OTUD4: variants seen among roughly 807,000 people sequenced by gnomAD.
OTUD4 encodes the protein OTU deubiquitinase 4.
OTUD4 carries 24 observed loss-of-function variants against 130.4 expected under a neutral mutation model. The observed-to-expected ratio is 0.18, with a 90% confidence interval of 0.13 to 0.26. The LOEUF (loss-of-function observed/expected upper bound fraction) is 0.26. Ranked by LOEUF, OTUD4 falls within the 10% of genes least tolerant of loss-of-function variation. OTUD4 has a pLI of 1.00. For missense variants in OTUD4, 1,031 were observed against 1,329.4 expected (o/e 0.78, Z 3.49); for synonymous variants, 420 against 472.5 (o/e 0.89, Z 1.44).
Position 145,135,071 on chromosome 4 carries a change from T to A in OTUD4, c.*2359A>T. 5.7e-6 allele frequency: 2 copies of A among 350,200 alleles called. No homozygotes were observed. 21.7% of individuals were successfully genotyped at this position (350,200 alleles called of 1,614,324 possible). ...GCAAAATCCCCTGGACTAATACATT[T>A]AAAAACAAACTTAAAGGAAAAAAAG... On this transcript the variant is annotated 3_prime_UTR_variant, in exon 21 of 21. Transcript: ENST00000447906.
chr4:145,176,560 G>A (rs1752436822), intron 1 of OTUD4, among the ~76,000 whole-genome samples: 1 of 151,816 alleles, frequency 6.6e-6, no homozygotes, highest in Non-Finnish European at 1.5e-5. Context: ...TTAGCCAGGT[G>A]TGGTGGTGCG....
intron 13 of OTUD4, chr4:145,149,612 A>ACAAT (rs1750976589): frequency 1.3e-5 from 2 of 152,220 alleles, no homozygotes; most frequent in African/African-American, 4.8e-5. Context: ...CTGACTGTGA[A>ACAAT]CAATCAACTG....
chr4:145,150,988 T>A, intron 11 of OTUD4, 83 bp from the exon 12 acceptor site: 1 of 764,584 alleles, frequency 1.3e-6, no homozygotes, highest in Non-Finnish European at 2.0e-6. Flanking sequence ...TTTCAGCTTA[T>A]ATAAGAATTT....
At chr4:145,173,111 G>A (rs1444908098) in intron 2 of OTUD4, among the ~76,000 whole-genome samples, 1 of 152,184 alleles carries the variant, frequency 6.6e-6, no homozygotes, top group African/African-American at 2.4e-5. Context: ...ATGGACTAAG[G>A]CCAGGCACGG....
chr4:145,159,369 C>T, intron 7 of OTUD4, 134 bp downstream of exon 7: 1 of 1,511,950 alleles, frequency 6.6e-7, no homozygotes, highest in Non-Finnish European at 8.8e-7. Flanking sequence ...GAAACTTCAG[C>T]AGACTGCTGT....
At chr4:145,149,099 G>A (rs1331358034) in intron 13 of OTUD4, among the ~76,000 whole-genome samples, 2 of 152,206 alleles carry the variant, frequency 1.3e-5, no homozygotes, top group Non-Finnish European at 2.9e-5. Flanking sequence ...CTTCTCAGAT[G>A]TAATCAAGTT....
intron 6 of OTUD4, 145 bp downstream of exon 6, chr4:145,162,495 T>C: frequency 2.3e-6 from 1 of 427,060 alleles, no homozygotes; most frequent in Non-Finnish European, 4.2e-6. Context: ...GAGCTTGCAG[T>C]GAGCGGAGAT....
intron 2 of OTUD4, among the ~76,000 whole-genome samples, chr4:145,173,416 T>C (rs947625821): frequency 6.6e-6 from 1 of 151,498 alleles, no homozygotes; most frequent in African/African-American, 2.4e-5. Flanking sequence ...TTATATGGAC[T>C]AAAAAAAATA....
chr4:145,137,319 G>A lies in OTUD4; in HGVS notation c.*111C>T. 1 of 859,764 alleles carries A rather than the reference G, an allele frequency of 1.2e-6. No homozygotes were observed. The highest frequency in any genetic ancestry group is 1.8e-6 in the Non-Finnish European group (1 of 544,440). 53.3% of individuals were successfully genotyped at this position (859,764 alleles called of 1,614,324 possible). A position where few individuals can be genotyped will look rare whatever the true frequency, so the allele number is the denominator to read the frequency against. ...TATGGGAGTGAAGGTAAGGGGGGCT[G>A]GGGAGAGGAAAGAGTTCCAACTGCG... On this transcript the variant is annotated 3_prime_UTR_variant, in exon 21 of 21. Coordinates refer to ENST00000447906, the MANE Select transcript of OTUD4 (RefSeq NM_001366057.1).
chr4:145,143,279 G>A (rs1579245636), intron 17 of OTUD4, 86 bp downstream of exon 17: 1 of 759,662 alleles, frequency 1.3e-6, no homozygotes, highest in East Asian at 2.7e-5. Flanking sequence ...CCATACTGAT[G>A]TTTTCTGTTT....
At chr4:145,179,772 T>TCCC in intron 1 of OTUD4, 43 bp downstream of exon 1, 3 of 788,422 alleles carry the variant, frequency 3.8e-6, no homozygotes, top group Non-Finnish European at 5.3e-6. Context: ...CGCCGGGCCG[T>TCCC]CCCCGCCTCC....
Position 145,135,028 on chromosome 4 carries a change from G to T in OTUD4, c.*2402C>A. 6 of 324,652 alleles carry T rather than the reference G, an allele frequency of 1.8e-5. No homozygotes were observed. The highest frequency in any genetic ancestry group is 1.7e-5 in the Non-Finnish European group (3 of 181,716). The allele number at this position is 324,652 out of a possible 1,614,324, so 20.1% of individuals were successfully genotyped here. ...AAGGACAAAAGCTTGCTTATCCTTA[G>T]TTTGACCTCAGCATAAGGCAAAATC... On this transcript the variant is annotated 3_prime_UTR_variant, in exon 21 of 21. Transcript: ENST00000447906.
In OTUD4 at chr4:145,138,575, T is replaced by C; in HGVS notation, c.2200A>G (p.Met734Val). The change falls in exon 21 of 21, where the codon ATG (methionine) becomes GTG (valine). Residue 734 changes from methionine to valine, a missense_variant. This residue lies in a region of OTUD4 where 900 missense variants were observed against 1,095.9 expected (regional missense o/e 0.82). Transcript: ENST00000447906. ...LHQAYLAACRMYPKVPVPVYP... is the reference protein window; with the variant it reads ...LHQAYLAACRVYPKVPVPVYP... ...ACAGGGACAGGGACCTTTGGGTACATCCTGCAGGCTGCCAGGTAGGCCTGG... is the reference window on the plus strand; with the variant it reads ...ACAGGGACAGGGACCTTTGGGTACACCCTGCAGGCTGCCAGGTAGGCCTGG... The C allele has an allele frequency of 6.2e-7, 1 of 1,614,030 alleles. No individual in the cohort carries two copies. Among genetic ancestry groups the C allele is most frequent in the East Asian group, 2.2e-5 (1 of 44,866 alleles).
intron 7 of OTUD4, among the ~76,000 whole-genome samples, chr4:145,157,044 T>C (rs188570703): frequency 3.5e-4 from 54 of 152,260 alleles, no homozygotes; most frequent in African/African-American, 1.3e-3. Context: ...GTCCCAAATC[T>C]CCTGGTAAAC....
rs1750197875 is a variant in OTUD4 at position 145,135,517 on chromosome 4, G to A, written c.*1913C>T. The A allele has an allele frequency of 6.6e-6, 1 of 152,196 alleles. No individual in the cohort carries two copies. Among genetic ancestry groups the A allele is most frequent in the Non-Finnish European group, 1.5e-5 (1 of 68,018 alleles). 9.4% of individuals were successfully genotyped at this position (152,196 alleles called of 1,614,324 possible). ...AAGCTAGTCCTACATAAAAAAGCAT[G>A]AGCTGAAAGTGGAGGACCCTCTATC... On this transcript the variant is annotated 3_prime_UTR_variant, in exon 21 of 21. Coordinates refer to ENST00000447906, the MANE Select transcript of OTUD4 (RefSeq NM_001366057.1).
intron 14 of OTUD4, 175 bp downstream of exon 14, chr4:145,146,092 G>C (rs1750808883): frequency 4.7e-6 from 2 of 421,960 alleles, no homozygotes; most frequent in Non-Finnish European, 8.2e-6. Context: ...TCTAGGTCTA[G>C]AGATATTACT....
intron 3 of OTUD4, among the ~76,000 whole-genome samples, chr4:145,166,122 T>G (rs990910571): frequency 1.3e-5 from 2 of 150,754 alleles, no homozygotes; most frequent in African/African-American, 4.9e-5. Flanking sequence ...GATTGCACCA[T>G]TGCACTCCAG....
In OTUD4 at chr4:145,137,998, G is replaced by C. The variant is rs1560975120; in HGVS notation, c.2777C>G (p.Ala926Gly). The change falls in exon 21 of 21, where the codon GCA becomes GGA. Residue 926 changes from alanine (A) to glycine (G), a missense_variant. Coordinates refer to ENST00000447906, the MANE Select transcript of OTUD4 (RefSeq NM_001366057.1). ...TTCGTCCGGCTTACTGCTCACACTT[G>C]CTTCAGGGAGAGAATGTACATGTTC... Reference protein sequence around the residue: ...RGEHVHSLPEASVSSKPDEGR... With the variant: ...RGEHVHSLPEGSVSSKPDEGR... 1.9e-6 allele frequency: 3 copies of C among 1,614,084 alleles called. No homozygotes were observed. The highest frequency in any genetic ancestry group is 2.5e-6 in the Non-Finnish European group (3 of 1,179,980).
chr4:145,165,095 G>T, intron 4 of OTUD4, 56 bp downstream of exon 4: 8 of 941,026 alleles, frequency 8.5e-6, no homozygotes, highest in South Asian at 3.5e-5. Flanking sequence ...TAATATAATG[G>T]AATATAATTT....
Sources: gnomAD v4.1 joint callset for allele counts (sites outside exome capture counted in the v4.1 genomes callset) on GRCh38, gnomAD v4.1.1 for gene constraint, gnomAD v4.1.1 regional missense constraint, MANE v1.5 for transcripts, NCBI Gene and HGNC (gene_info 2026-07-23, HGNC 2026-07-21) for gene names.